The following DOT1L variants were observed in gnomAD, a reference collection of about 807,000 sequenced individuals.
DOT1L encodes DOT1 like histone lysine methyltransferase.
In DOT1L, 33 loss-of-function variants were observed where a neutral mutation model predicts 153.3. The ratio of observed to expected loss-of-function variants is 0.22; its 90% CI spans 0.16 to 0.29. The LOEUF (loss-of-function observed/expected upper bound fraction) is 0.29, where lower values mean the gene tolerates loss of function less well. Among genes scored for constraint, DOT1L ranks in the 10% least tolerant of loss-of-function variants. The pLI is 1.00. For missense variants in DOT1L, 1,847 were observed against 2,119.9 expected (o/e 0.87, Z 2.53); for synonymous variants, 1,135 against 965.1 (o/e 1.18, Z -3.26).
chr19:2,223,022 C>G (rs959947242), intron 24 of DOT1L: 1 of 527,514 alleles, frequency 1.9e-6, no homozygotes, highest in African/African-American at 1.9e-5. Context: ...GCGCTGCCTG[C>G]AAGCTTCTTC....
At chr19:2,200,913 C>T (rs117504281) in intron 8 of DOT1L, among the ~76,000 whole-genome samples, 3,747 of 142,640 alleles carry the variant, frequency 0.026, 100 homozygotes, top group East Asian at 0.088. Flanking sequence ...CCTCATTCCT[C>T]GTCCTCCCCG....
Position 2,179,667 on chromosome 19 carries a change from C to T in DOT1L, c.82-1046C>T, listed in dbSNP as rs141705898. 2.6e-3 allele frequency among the ~76,000 whole-genome samples: 389 copies of T among 152,150 alleles called. 3 individuals are homozygous for T. The highest frequency in any genetic ancestry group is 8.8e-3 in the African/African-American group (365 of 41,484). ...TACCAAAAATACAAAGTTAGCCAGG[C>T]GTGGTGGCTCATGCCAGTAATCCCA... On this transcript the variant is annotated intron_variant, in intron 1 of 27. Transcript: ENST00000398665.
In DOT1L at chr19:2,217,464, A is replaced by C. The variant is rs766527857; in HGVS notation, c.2545-308A>C. ...AGGGAAGGACGGTGACGTTGCATGGACTTGGCAGTGATGGATGTGGGCCCT... is the reference window on the plus strand; with the variant it reads ...AGGGAAGGACGGTGACGTTGCATGGCCTTGGCAGTGATGGATGTGGGCCCT... On this transcript the variant is annotated intron_variant, in intron 21 of 27. Coordinates refer to ENST00000398665, the MANE Select transcript of DOT1L (RefSeq NM_032482.3). This position sits in a 1 kb window ranked among gnomAD's most constrained non-coding sequence, Gnocchi z 7.3. 1.3e-5 allele frequency among the ~76,000 whole-genome samples: 2 copies of C among 152,078 alleles called. No individual in the cohort carries two copies. Among genetic ancestry groups the C allele is most frequent in the Non-Finnish European group, 2.9e-5 (2 of 67,986 alleles).
In DOT1L at chr19:2,231,602, G is replaced by A. The variant is rs995195612; in HGVS notation, c.*1810G>A. On this transcript the variant is annotated 3_prime_UTR_variant, in exon 28 of 28. Transcript: ENST00000398665. Reference sequence around the variant, plus strand: ...GTGCCCAGTGCCCTCCCCACCCCACGTTGGTGCTCTCAGCTAGAAGGTGCT... The same window carrying A: ...GTGCCCAGTGCCCTCCCCACCCCACATTGGTGCTCTCAGCTAGAAGGTGCT... The A allele has an allele frequency of 7.3e-5, 14 of 190,898 alleles. No homozygotes were observed. The highest frequency in any genetic ancestry group is 1.4e-4 in the Non-Finnish European group (13 of 91,578). The allele number at this position is 190,898 out of a possible 1,614,324, so 11.8% of individuals were successfully genotyped here. A position where few individuals can be genotyped will look rare whatever the true frequency, so the allele number is the denominator to read the frequency against.
At chr19:2,168,536 C>T (rs1020399843) in intron 1 of DOT1L, among the ~76,000 whole-genome samples, 1 of 152,106 alleles carries the variant, frequency 6.6e-6, no homozygotes, top group Admixed American at 6.6e-5. Flanking sequence ...AATTGGCAAA[C>T]GCAAGGGGGA....
chr19:2,227,827 G>T (rs1410635131), intron 27 of DOT1L: 16 of 1,294,754 alleles, frequency 1.2e-5, no homozygotes, highest in Non-Finnish European at 1.6e-5. Flanking sequence ...GCCACACTGG[G>T]CCCGAGCCCG....
rs756139125 is a variant in DOT1L, at chr19:2,232,242, G to A, written c.*2450G>A. The A allele has an allele frequency of 2.7e-5, 6 of 218,394 alleles. No homozygotes were observed. The highest frequency in any genetic ancestry group is 6.7e-5 in the East Asian group (1 of 14,988). The allele number at this position is 218,394 out of a possible 1,614,324, so 13.5% of individuals were successfully genotyped here. ...CTAAAAACTAGGATACCCCCTCCTC[G>A]GCCCATGAGGCACGCACAGTGACTT... is the stretch of plus-strand genomic sequence containing the variant. On this transcript the variant is annotated 3_prime_UTR_variant, in exon 28 of 28. Transcript: ENST00000398665.
In DOT1L at chr19:2,229,292, G is replaced by C. The variant is rs553444025; in HGVS notation, c.4607-493G>C. The C allele has an allele frequency of 6.1e-6, 6 of 985,426 alleles. No homozygotes were observed. In the African/African-American group the frequency reaches 1.0e-4, roughly 17 times the overall value. 61.0% of individuals were successfully genotyped at this position (985,426 alleles called of 1,614,324 possible). On this transcript the variant is annotated intron_variant, in intron 27 of 27. Coordinates refer to ENST00000398665, the MANE Select transcript of DOT1L (RefSeq NM_032482.3). ...GGGACATGGCGTGCCTGGCGGCGTA[G>C]TGCAAAGGTGCCCTCTGCTTGCCCC...
At position 2,204,026 on chromosome 19, in the gene DOT1L, C is replaced by T. The variant is rs1400409093; in HGVS notation, c.787+1247C>T. On this transcript the variant is annotated intron_variant, in intron 9 of 27. Coordinates refer to ENST00000398665, the MANE Select transcript of DOT1L (RefSeq NM_032482.3). The surrounding 1 kb of genome is among the most constrained non-coding windows in gnomAD (Gnocchi z 5.7). ...GCTCCTCAGGCCTCCCAAACAAAAC[C>T]CAGAGGGTCTGCAGCTGCCTTCAGC... 6.6e-6 allele frequency among the ~76,000 whole-genome samples: 1 copy of T among 152,248 alleles called. No individual in the cohort carries two copies. Among genetic ancestry groups the T allele is most frequent in the African/African-American group, 2.4e-5 (1 of 41,466 alleles).
Position 2,207,410 on chromosome 19 carries a change from C to G in DOT1L, c.857-164C>G, listed in dbSNP as rs912017628. On this transcript the variant is annotated intron_variant, in intron 10 of 27. Transcript: ENST00000398665. The surrounding 1 kb of genome is among the most constrained non-coding windows in gnomAD (Gnocchi z 4.5). ...CAGGTGGTGTTGAATGGTGCACCTC[C>G]CTGGGCCGGCCTCTGTGGGCCACTG... Among the ~76,000 whole-genome samples, 1 of 152,184 alleles carries G rather than the reference C, an allele frequency of 6.6e-6. No individual in the cohort carries two copies. Among genetic ancestry groups the G allele is most frequent in the African/African-American group, 2.4e-5 (1 of 41,446 alleles).
Position 2,164,894 on chromosome 19 carries a change from G to T in DOT1L, c.81+629G>T, listed in dbSNP as rs1297985136. On this transcript the variant is annotated intron_variant, in intron 1 of 27. Transcript: ENST00000398665. ...GACCTGTTAATCCTAGTTGGTTGGG[G>T]ACAGGCTTTATTTATCCTTGGAAAT... Among the ~76,000 whole-genome samples, 5 of 152,320 alleles carry T rather than the reference G, an allele frequency of 3.3e-5. No individual in the cohort carries two copies. The East Asian group carries it at 7.7e-4, about 24-fold the overall frequency.
At chr19:2,218,510 C>A (rs2023988067) in intron 22 of DOT1L, among the ~76,000 whole-genome samples, 1 of 151,622 alleles carries the variant, frequency 6.6e-6, no homozygotes, top group Non-Finnish European at 1.5e-5. Flanking sequence ...TCTCCTGCCT[C>A]AGCCTCCCGA....
At chr19:2,224,850 T>C (rs1289853190) in intron 25 of DOT1L, among the ~76,000 whole-genome samples, 1 of 152,228 alleles carries the variant, frequency 6.6e-6, no homozygotes, top group Non-Finnish European at 1.5e-5. Context: ...ACCTGGATGC[T>C]CTGTTTTGCA....
rs1297206546 is a variant in DOT1L, at chr19:2,190,156, C to G, written c.264+361C>G. Among the ~76,000 whole-genome samples, 1 of 152,134 alleles carries G rather than the reference C, an allele frequency of 6.6e-6. No individual in the cohort carries two copies. Among genetic ancestry groups the G allele is most frequent in the Non-Finnish European group, 1.5e-5 (1 of 68,000 alleles). On this transcript the variant is annotated intron_variant, in intron 4 of 27. Coordinates refer to ENST00000398665, the MANE Select transcript of DOT1L (RefSeq NM_032482.3). The surrounding 1 kb of genome is among the most constrained non-coding windows in gnomAD (Gnocchi z 4.8). ...TGAATGCCGGCCTTCCCCCTTGGAC[C>G]TCCCCCACACCGCCTGCCTTCATCA... is the stretch of plus-strand genomic sequence containing the variant.
At chr19:2,209,072 T>C in intron 12 of DOT1L, 96 bp downstream of exon 12, 1 of 1,414,670 alleles carries the variant, frequency 7.1e-7, no homozygotes, top group South Asian at 1.3e-5. Context: ...GAGCCACGAC[T>C]GGAGCACAGC....
At chr19:2,205,388 G>A (rs1439459793) in intron 9 of DOT1L, among the ~76,000 whole-genome samples, 1 of 152,180 alleles carries the variant, frequency 6.6e-6, no homozygotes, top group Admixed American at 6.5e-5. Flanking sequence ...CACACAAGAT[G>A]CCCCATAGTG....
rs1017823728 is a variant in DOT1L, at chr19:2,191,404, C to T, written c.493+164C>T. Reference sequence around the variant, plus strand: ...TGTCCCGCTGTGGGGCCGTTCCTTTCCCCAGCCCTGACCGGGCTCCACCCA... The same window carrying T: ...TGTCCCGCTGTGGGGCCGTTCCTTTTCCCAGCCCTGACCGGGCTCCACCCA... On this transcript the variant is annotated intron_variant, in intron 5 of 27. Transcript: ENST00000398665. The surrounding 1 kb of genome is among the most constrained non-coding windows in gnomAD (Gnocchi z 6.8). The T allele has an allele frequency of 9.6e-6, 7 of 731,148 alleles. No individual in the cohort carries two copies. The African/African-American group carries it at 1.1e-4, about 11-fold the overall frequency. 45.3% of individuals were successfully genotyped at this position (731,148 alleles called of 1,614,324 possible). A position where few individuals can be genotyped will look rare whatever the true frequency, so the allele number is the denominator to read the frequency against.
intron 9 of DOT1L, among the ~76,000 whole-genome samples, chr19:2,205,781 C>T (rs1480014846): frequency 6.6e-6 from 1 of 151,328 alleles, no homozygotes; most frequent in East Asian, 1.9e-4. Context: ...GCAGCCTTGA[C>T]CTCCTGGGCT....
At chr19:2,216,826 C>T (rs899270233) in intron 20 of DOT1L, 61 bp downstream of exon 20, 31 of 1,555,274 alleles carry the variant, frequency 2.0e-5, no homozygotes, top group Non-Finnish European at 2.5e-5. Flanking sequence ...GCCTGGTGTG[C>T]TCAGGCTGTC....
Sources: gnomAD v4.1 joint callset for allele counts (sites outside exome capture counted in the v4.1 genomes callset) on GRCh38, gnomAD v4.1.1 for gene constraint, Gnocchi (gnomAD v3.1) non-coding constraint, MANE v1.5 for transcripts, NCBI Gene and HGNC (gene_info 2026-07-23, HGNC 2026-07-21) for gene names.